THSD4: variants seen among roughly 807,000 people sequenced by gnomAD.
THSD4 encodes thrombospondin type-1 domain-containing protein 4.
A neutral mutation model predicts 119.0 loss-of-function variants in THSD4; 69 were observed. The ratio of observed to expected loss-of-function variants is 0.58; its 90% CI spans 0.48 to 0.71. The LOEUF is 0.71. THSD4 is among the 30% of genes least tolerant of loss of function. The probability of loss-of-function intolerance (pLI) is 0.00; values close to 1 mark genes in which losing one functional copy is unlikely to be tolerated. For synonymous variants in THSD4, 524 were observed against 540.4 expected (o/e 0.97, Z 0.42); for missense variants, 1,393 against 1,391.1 (o/e 1.00, Z -0.02).
intron 1 of THSD4, among the ~76,000 whole-genome samples, chr15:71,097,521 G>A (rs2040235682): frequency 1.3e-5 from 2 of 150,182 alleles, no homozygotes; most frequent in Admixed American, 1.3e-4. Flanking sequence ...AGCCAAGATA[G>A]CACCTCTGCA....
At chr15:71,774,219 G>T (rs1236756075) in intron 17 of THSD4, among the ~76,000 whole-genome samples, 1 of 150,674 alleles carries the variant, frequency 6.6e-6, no homozygotes, top group Non-Finnish European at 1.5e-5. Context: ...GCTGAGGTGG[G>T]AGAATCACCT....
At chr15:71,403,841 A>T (rs1178996166) in intron 6 of THSD4, among the ~76,000 whole-genome samples, 1 of 74,454 alleles carries the variant, frequency 1.3e-5, no homozygotes, top group East Asian at 6.3e-4. Context: ...AAACTGACAC[A>T]TACTAATGCT....
chr15:71,427,564 G>C (rs957453037), intron 7 of THSD4, among the ~76,000 whole-genome samples: 16 of 149,000 alleles, frequency 1.1e-4, no homozygotes, highest in African/African-American at 4.0e-4. Flanking sequence ...CCAGACCTTG[G>C]AGATTGGAGA....
chr15:71,634,164 G>A (rs1051914217), intron 7 of THSD4, among the ~76,000 whole-genome samples: 1 of 150,120 alleles, frequency 6.7e-6, no homozygotes, highest in African/African-American at 2.5e-5. Context: ...TCCAGCCTGG[G>A]CAACAAGAGT....
intron 8 of THSD4, among the ~76,000 whole-genome samples, chr15:71,714,261 G>A (rs2052565950): frequency 6.6e-6 from 1 of 152,090 alleles, no homozygotes; most frequent in Non-Finnish European, 1.5e-5. Context: ...TGTGCGGTGG[G>A]TGTTGTGTGT....
chr15:71,635,117 A>G (rs2050714728), intron 7 of THSD4, among the ~76,000 whole-genome samples: 1 of 152,186 alleles, frequency 6.6e-6, no homozygotes, highest in South Asian at 2.1e-4. Flanking sequence ...CTGCCCATTA[A>G]TTAAGGCCAG....
At chr15:71,625,518 C>T (rs1174794284) in intron 7 of THSD4, among the ~76,000 whole-genome samples, 1 of 152,154 alleles carries the variant, frequency 6.6e-6, no homozygotes, top group Non-Finnish European at 1.5e-5. Context: ...AACAGGAGGA[C>T]AAAGGACAGA....
intron 1 of THSD4, among the ~76,000 whole-genome samples, chr15:71,135,246 T>G (rs529790550): frequency 3.5e-5 from 5 of 143,766 alleles, no homozygotes; most frequent in East Asian, 4.2e-4. Flanking sequence ...AGGGGTAGCA[T>G]TGGGAGATAT....
At chr15:71,459,798 G>A (rs1449599299) in intron 7 of THSD4, among the ~76,000 whole-genome samples, 1 of 152,112 alleles carries the variant, frequency 6.6e-6, no homozygotes, top group Admixed American at 6.5e-5. Context: ...GTGCTGCTTT[G>A]AACTAGAGAG....
At chr15:71,488,558 A>G (rs2047860200) in intron 7 of THSD4, among the ~76,000 whole-genome samples, 2 of 152,174 alleles carry the variant, frequency 1.3e-5, no homozygotes, top group Middle Eastern at 3.2e-3. Context: ...GCTCTTTAGC[A>G]ACTTTCTTCT....
chr15:71,280,250 G>A (rs1392784333), intron 6 of THSD4, among the ~76,000 whole-genome samples: 3 of 146,348 alleles, frequency 2.0e-5, no homozygotes, highest in East Asian at 2.1e-4. Flanking sequence ...AGTGTAGGAC[G>A]AGGTTGGCCT....
At chr15:71,212,705 C>T (rs143632244) in intron 3 of THSD4, among the ~76,000 whole-genome samples, 111 of 152,330 alleles carry the variant, frequency 7.3e-4, no homozygotes, top group African/African-American at 2.6e-3. Context: ...TGAATTTAGA[C>T]CAGAAGTCGG....
At chr15:71,220,836 T>C (rs2043969802) in intron 4 of THSD4, among the ~76,000 whole-genome samples, 1 of 152,148 alleles carries the variant, frequency 6.6e-6, no homozygotes, top group Non-Finnish European at 1.5e-5. Context: ...GTGTCTGTGC[T>C]CCCTGCTCTC....
intron 7 of THSD4, among the ~76,000 whole-genome samples, chr15:71,538,438 C>A (rs187980475): frequency 1.3e-5 from 2 of 152,314 alleles, no homozygotes; most frequent in South Asian, 2.1e-4. Flanking sequence ...TCTCTTCTGT[C>A]GCTGGTTGTT....
At chr15:71,466,748 C>G (rs925248751) in intron 7 of THSD4, among the ~76,000 whole-genome samples, 3 of 152,184 alleles carry the variant, frequency 2.0e-5, no homozygotes, top group Non-Finnish European at 2.9e-5. Context: ...TTCTAGGAGG[C>G]AATGCTAATC....
At chr15:71,405,583 G>C (rs977562178) in intron 6 of THSD4, among the ~76,000 whole-genome samples, 1 of 152,154 alleles carries the variant, frequency 6.6e-6, no homozygotes, top group African/African-American at 2.4e-5. Context: ...CACACTTACT[G>C]TTGATTCGTA....
At chr15:71,181,178 G>T (rs2043520903) in intron 3 of THSD4, among the ~76,000 whole-genome samples, 1 of 152,192 alleles carries the variant, frequency 6.6e-6, no homozygotes, top group African/African-American at 2.4e-5. Flanking sequence ...GCTGGTGTTT[G>T]TCAAGCCTTC....
rs725977 is a variant in THSD4, at chr15:71,360,106, G to A, written c.1016-51581G>A. Among the ~76,000 whole-genome samples the A allele has an allele frequency of 8.9e-4, 136 of 152,256 alleles. 4 individuals carry two copies. In the South Asian group the frequency reaches 0.026, roughly 29 times the overall value. ...ATGGTGGCTGAGGCTGGATTCATCCGAAGGCTTCTTGGCTCACTTATCTGG... is the reference window on the plus strand; with the variant it reads ...ATGGTGGCTGAGGCTGGATTCATCCAAAGGCTTCTTGGCTCACTTATCTGG... On this transcript the variant is annotated intron_variant, in intron 6 of 17. Transcript: ENST00000261862.
At chr15:71,100,111 G>A (rs1356704969) in intron 1 of THSD4, among the ~76,000 whole-genome samples, 2 of 152,200 alleles carry the variant, frequency 1.3e-5, no homozygotes, top group African/African-American at 4.8e-5. Flanking sequence ...CTGTTGGACA[G>A]ACTCCAAAAT....
Sources: allele counts gnomAD v4.1 joint callset (sites outside exome capture counted in the v4.1 genomes callset), GRCh38; gene constraint gnomAD v4.1.1; transcripts MANE v1.5; gene names NCBI Gene and HGNC (gene_info 2026-07-23, HGNC 2026-07-21).